Variants in SNRNP70 observed in about 807,000 individuals in gnomAD.
SNRNP70 encodes small nuclear ribonucleoprotein U1 subunit 70.
A neutral mutation model predicts 50.5 loss-of-function variants in SNRNP70; 8 were observed. That is an observed-to-expected ratio of 0.16 (90% confidence interval 0.09 to 0.29). The LOEUF (loss-of-function observed/expected upper bound fraction) is 0.29. Ranked by LOEUF, SNRNP70 falls within the 10% of genes least tolerant of loss-of-function variation. The pLI, the probability that SNRNP70 is intolerant of heterozygous loss-of-function variation, is 1.00. For synonymous variants in SNRNP70, 320 were observed against 252.9 expected, an observed-to-expected ratio of 1.27 and a Z score of -2.52; for missense variants, 529 against 663.5, an observed-to-expected ratio of 0.80 and a Z score of 2.23.
intron 6 of SNRNP70, among the ~76,000 whole-genome samples, chr19:49,100,856 C>T (rs2040575501): frequency 6.6e-6 from 1 of 152,056 alleles, no homozygotes. Context: ...ATTCACAACT[C>T]CCTCCTGTTT....
rs1386963026 is a variant in SNRNP70 at position 49,086,600 on chromosome 19, G to T, written c.147+39G>T. On this transcript the variant is annotated intron_variant, in intron 2 of 9. Coordinates refer to ENST00000598441, the MANE Select transcript of SNRNP70 (RefSeq NM_003089.6). Reference sequence around the variant, plus strand: ...GCAGGCCAGGAATGGTTTGGGTTCTGGGGAGCAACGGGTTGGATTTGCGAG... The same window carrying T: ...GCAGGCCAGGAATGGTTTGGGTTCTTGGGAGCAACGGGTTGGATTTGCGAG... 5 of 1,594,956 alleles carry T rather than the reference G, an allele frequency of 3.1e-6. No individual in the cohort carries two copies. In the Admixed American group the frequency reaches 8.5e-5, roughly 27 times the overall value.
Position 49,104,381 on chromosome 19 carries a change from C to T in SNRNP70, c.476-253C>T, listed in dbSNP as rs1463587803. ...AAGGGCCGGGGAGCCTAGGGGGTGG[C>T]GGGTGAGGGTGGACGTCTCCCCCGA... On this transcript the variant is annotated intron_variant, in intron 7 of 9. Coordinates refer to ENST00000598441, the MANE Select transcript of SNRNP70 (RefSeq NM_003089.6). The surrounding 1 kb of genome is among the most constrained non-coding windows in gnomAD (Gnocchi z 5.4). The T allele has an allele frequency of 1.1e-5, 5 of 458,538 alleles. No homozygotes were observed. Among genetic ancestry groups the T allele is most frequent in the Admixed American group, 8.1e-5 (2 of 24,634 alleles). 28.4% of individuals were successfully genotyped at this position (458,538 alleles called of 1,614,324 possible). A position where few individuals can be genotyped will look rare whatever the true frequency, so the allele number is the denominator to read the frequency against.
chr19:49,103,910 TG>T (rs1237107095), intron 7 of SNRNP70: 2 of 152,242 alleles, frequency 1.3e-5, no homozygotes, highest in Non-Finnish European at 2.9e-5. Context: ...GGGGCAGGGC[TG>T]GGGGGAGGCA....
At position 49,108,492 on chromosome 19, in the gene SNRNP70, C is replaced by G; in HGVS notation, c.*49C>G. 1 of 1,542,462 alleles carries G rather than the reference C, an allele frequency of 6.5e-7. No individual in the cohort carries two copies. Among genetic ancestry groups the G allele is most frequent in the Non-Finnish European group, 8.7e-7 (1 of 1,143,516 alleles). On this transcript the variant is annotated 3_prime_UTR_variant, in exon 10 of 10. Transcript: ENST00000598441. ...GTGTTTGGACGCGTTCCTGCCCAGCCCCTTGCTGTCATCCCCTCCCCCAAC... is the reference window on the plus strand; with the variant it reads ...GTGTTTGGACGCGTTCCTGCCCAGCGCCTTGCTGTCATCCCCTCCCCCAAC...
Position 49,098,698 on chromosome 19 carries a change from C to T in SNRNP70, c.387C>T (p.Ile129=), listed in dbSNP as rs754307921. 6.2e-7 allele frequency: 1 copy of T among 1,613,606 alleles called. No homozygotes were observed. Among genetic ancestry groups the T allele is most frequent in the Non-Finnish European group, 8.5e-7 (1 of 1,179,592 alleles). Residue 129 remains isoleucine (I), a synonymous_variant, in exon 6 of 10, where the codon ATC becomes ATT. Transcript: ENST00000598441. The part of the protein sequence containing the change: ...LRREFEVYGP[I]KRIHMVYSKR... ...GAGAGTTTGAGGTGTACGGACCTAT[C>T]AAAAGAGTAAGTGGAGTGGGTCAGG...
chr19:49,108,494 C>T lies in SNRNP70; in HGVS notation c.*51C>T. 5 of 1,542,190 alleles carry T rather than the reference C, an allele frequency of 3.2e-6. No homozygotes were observed. The highest frequency in any genetic ancestry group is 2.6e-6 in the Non-Finnish European group (3 of 1,143,330). On this transcript the variant is annotated 3_prime_UTR_variant, in exon 10 of 10. Coordinates refer to ENST00000598441, the MANE Select transcript of SNRNP70 (RefSeq NM_003089.6). ...GTTTGGACGCGTTCCTGCCCAGCCCCTTGCTGTCATCCCCTCCCCCAACCT... is the reference window on the plus strand; with the variant it reads ...GTTTGGACGCGTTCCTGCCCAGCCCTTTGCTGTCATCCCCTCCCCCAACCT...
chr19:49,091,988 A>G (rs1481546642), intron 4 of SNRNP70, among the ~76,000 whole-genome samples: 1 of 151,918 alleles, frequency 6.6e-6, no homozygotes, highest in Non-Finnish European at 1.5e-5. Flanking sequence ...TATTTGTGTT[A>G]TTTTCTAAAT....
chr19:49,107,883 C>T lies in SNRNP70; in HGVS notation c.754C>T (p.Arg252Ter), dbSNP rs940780487. The part of the protein sequence containing the change: ...RERSRERDKE[R>*]ERRRSRSRDR... ...GCGGAGCCGGGAGCGAGACAAGGAG[C>T]GAGAACGGCGACGCTCCCGCTCCCG... Residue 252 changes from arginine to a stop codon, truncating the protein, a stop_gained, in exon 10 of 10, where the codon CGA (arginine) becomes TGA (stop). Coordinates refer to ENST00000598441, the MANE Select transcript of SNRNP70 (RefSeq NM_003089.6). LOFTEE classifies it high-confidence loss of function. This position sits in a 1 kb window ranked among gnomAD's most constrained non-coding sequence, Gnocchi z 6.0. The T allele has an allele frequency of 2.6e-6, 4 of 1,551,118 alleles. No individual in the cohort carries two copies. Among genetic ancestry groups the T allele is most frequent in the Non-Finnish European group, 2.6e-6 (3 of 1,148,424 alleles).
At position 49,107,700 on chromosome 19, in the gene SNRNP70, G is replaced by C; in HGVS notation, c.653G>C (p.Arg218Pro). 1 of 1,614,026 alleles carries C rather than the reference G, an allele frequency of 6.2e-7. No individual in the cohort carries two copies. The highest frequency in any genetic ancestry group is 8.5e-7 in the Non-Finnish European group (1 of 1,179,986). Residue 218 changes from arginine to proline, a missense_variant, in exon 9 of 10, where the codon CGC (arginine) becomes CCC (proline). Coordinates refer to ENST00000598441, the MANE Select transcript of SNRNP70 (RefSeq NM_003089.6). The surrounding 1 kb of genome is among the most constrained non-coding windows in gnomAD (Gnocchi z 6.0). Reference protein sequence around the residue: ...IRHSGRDDTSRYDERPGPSPL... With the variant: ...IRHSGRDDTSPYDERPGPSPL... ...CATTCAGGCCGCGATGACACCTCCC[G>C]CTACGATGAGAGGTAAGATTGGGCG...
rs546705306 is a variant in SNRNP70 at position 49,088,071 on chromosome 19, A to C, written c.147+1510A>C. ...CACGCCTGGCTAATTTTGTATTTTT[A>C]GTAGAGATGGGGTTTCACCATGTAG... On this transcript the variant is annotated intron_variant, in intron 2 of 9. Coordinates refer to ENST00000598441, the MANE Select transcript of SNRNP70 (RefSeq NM_003089.6). 7.3e-3 allele frequency among the ~76,000 whole-genome samples: 1,058 copies of C among 145,416 alleles called. 7 individuals carry two copies. Among genetic ancestry groups the C allele is most frequent in the Middle Eastern group, 0.026 (6 of 234 alleles).
chr19:49,101,857 C>T (rs892539186), intron 7 of SNRNP70, among the ~76,000 whole-genome samples: 2 of 151,758 alleles, frequency 1.3e-5, no homozygotes, highest in Non-Finnish European at 2.9e-5. Flanking sequence ...GGCCTTTGAA[C>T]CTGCCCTCTC....
chr19:49,104,996 G>T lies in SNRNP70; in HGVS notation c.577+261G>T, dbSNP rs866883807. Reference sequence around the variant, plus strand: ...TGGCGTCCGCCCTTGCTAGCTGGGGGTCCCCTTTTCCTGCCTCATTGTACT... The same window carrying T: ...TGGCGTCCGCCCTTGCTAGCTGGGGTTCCCCTTTTCCTGCCTCATTGTACT... On this transcript the variant is annotated intron_variant, in intron 8 of 9. Coordinates refer to ENST00000598441, the MANE Select transcript of SNRNP70 (RefSeq NM_003089.6). The surrounding 1 kb of genome is among the most constrained non-coding windows in gnomAD (Gnocchi z 5.4). Among the ~76,000 whole-genome samples, 19 of 152,280 alleles carry T rather than the reference G, an allele frequency of 1.2e-4. No homozygotes were observed. Among genetic ancestry groups the T allele is most frequent in the African/African-American group, 4.1e-4 (17 of 41,562 alleles).
chr19:49,093,690 A>AC (rs1345171547), intron 4 of SNRNP70, among the ~76,000 whole-genome samples: 1 of 139,884 alleles, frequency 7.1e-6, no homozygotes, highest in African/African-American at 2.6e-5. Context: ...AAAAAAAAAA[A>AC]AACAAAAAAA....
chr19:49,097,266 C>G (rs1397029905), intron 4 of SNRNP70, among the ~76,000 whole-genome samples: 1 of 152,168 alleles, frequency 6.6e-6, no homozygotes, highest in Non-Finnish European at 1.5e-5. Flanking sequence ...TGAAGTCTGC[C>G]TTGGCCCTTC....
At chr19:49,095,462 C>T (rs533197360) in intron 4 of SNRNP70, among the ~76,000 whole-genome samples, 38 of 151,992 alleles carry the variant, frequency 2.5e-4, no homozygotes, top group Admixed American at 1.2e-3. Flanking sequence ...TATTCTCTGT[C>T]GTCATCTGAT....
At chr19:49,102,248 G>T in intron 7 of SNRNP70, 1 of 1,149,058 alleles carries the variant, frequency 8.7e-7, no homozygotes, top group Non-Finnish European at 1.2e-6. Context: ...AGGCAGCTCA[G>T]GAGCAGCGAG....
At position 49,108,523 on chromosome 19, in the gene SNRNP70, C is replaced by T. The variant is rs1023361766; in HGVS notation, c.*80C>T. 6.6e-7 allele frequency: 1 copy of T among 1,509,934 alleles called. No individual in the cohort carries two copies. Among genetic ancestry groups the T allele is most frequent in the Admixed American group, 2.1e-5 (1 of 47,738 alleles). 93.5% of individuals were successfully genotyped at this position (1,509,934 alleles called of 1,614,324 possible). A position where few individuals can be genotyped will look rare whatever the true frequency, so the allele number is the denominator to read the frequency against. On this transcript the variant is annotated 3_prime_UTR_variant, in exon 10 of 10. Transcript: ENST00000598441. ...CTGTCATCCCCTCCCCCAACCTTGG[C>T]CACTTGAGTTTGTCCTCCAAGGGTA...
chr19:49,107,538 C>T lies in SNRNP70; in HGVS notation c.578-87C>T. 4 of 1,299,960 alleles carry T rather than the reference C, an allele frequency of 3.1e-6. No homozygotes were observed. The highest frequency in any genetic ancestry group is 3.3e-6 in the Non-Finnish European group (3 of 901,140). The allele number at this position is 1,299,960 out of a possible 1,614,324, so 80.5% of individuals were successfully genotyped here. ...CACTAAGCCAGGGGCTGCCTTCCTG[C>T]CCTTTGCTCTTGGAGTCGGCTCATT... On this transcript the variant is annotated intron_variant, in intron 8 of 9. Transcript: ENST00000598441. The surrounding 1 kb of genome is among the most constrained non-coding windows in gnomAD (Gnocchi z 6.0).
chr19:49,101,293 T>C, intron 6 of SNRNP70, 97 bp from the exon 7 acceptor site: 1 of 856,186 alleles, frequency 1.2e-6, no homozygotes. Flanking sequence ...GTCTGAGGCC[T>C]CATCCGGCCC....
Sources: gnomAD v4.1 joint callset for allele counts (sites outside exome capture counted in the v4.1 genomes callset) on GRCh38, gnomAD v4.1.1 for gene constraint, Gnocchi (gnomAD v3.1) non-coding constraint, MANE v1.5 for transcripts, NCBI Gene and HGNC (gene_info 2026-07-23, HGNC 2026-07-21) for gene names.